The following CHD7 variants were observed in gnomAD, a reference collection of about 807,000 sequenced individuals.
CHD7 encodes the protein chromodomain helicase DNA binding protein 7, also known as ATP-dependent chromatin remodeler CHD7.
Under a neutral mutation model 307.3 loss-of-function variants are expected in CHD7, and 24 were observed. The observed-to-expected ratio is 0.08, with a 90% CI of 0.06 to 0.11. The LOEUF (loss-of-function observed/expected upper bound fraction) is 0.11. Among genes scored for constraint, CHD7 ranks in the 10% least tolerant of loss-of-function variants. The probability of loss-of-function intolerance (pLI) is 1.00; values close to 1 mark genes in which losing one functional copy is unlikely to be tolerated. For missense variants in CHD7, 3,106 were observed against 3,727.1 expected (o/e 0.83, Z 4.34); for synonymous variants, 1,363 against 1,349.9 (o/e 1.01, Z -0.21).
intron 2 of CHD7, among the ~76,000 whole-genome samples, chr8:60,756,885 G>T (rs1021251486): frequency 6.6e-6 from 1 of 152,150 alleles, no homozygotes; most frequent in African/African-American, 2.4e-5. Flanking sequence ...TGCCATTGAA[G>T]TGCTCACTTT....
intron 32 of CHD7, among the ~76,000 whole-genome samples, 155 bp downstream of exon 32, chr8:60,854,678 A>T (rs1805626019): frequency 6.6e-6 from 1 of 152,234 alleles, no homozygotes; most frequent in Non-Finnish European, 1.5e-5. Flanking sequence ...GAATGATCTG[A>T]AAAAGCCCAA....
rs150265752 is a variant in CHD7 at position 60,692,970 on chromosome 8, G to A, written c.-175+13888G>A. 4.0e-3 allele frequency among the ~76,000 whole-genome samples: 604 copies of A among 152,212 alleles called. 2 individuals are homozygous for A. The highest frequency in any genetic ancestry group is 0.017 in the Middle Eastern group (5 of 294). On this transcript the variant is annotated intron_variant, in intron 1 of 37. Transcript: ENST00000423902. ...TTAATGTTCCCAATCTGTTTAAACC[G>A]AAGTCATCATAACAACTCCTTCTTC...
chr8:60,735,261 G>A (rs1022633806), intron 1 of CHD7, among the ~76,000 whole-genome samples: 1 of 152,218 alleles, frequency 6.6e-6, no homozygotes, highest in African/African-American at 2.4e-5. Context: ...GATGGAGATG[G>A]TGTTACTGTC....
chr8:60,824,588 A>G (rs967569412), intron 13 of CHD7: 2 of 152,634 alleles, frequency 1.3e-5, no homozygotes, highest in African/African-American at 4.8e-5. Flanking sequence ...TTCAGTGCTC[A>G]TAGGTTTTGC....
At chr8:60,748,806 A>G (rs1354072726) in intron 2 of CHD7, among the ~76,000 whole-genome samples, 1 of 152,168 alleles carries the variant, frequency 6.6e-6, no homozygotes, top group African/African-American at 2.4e-5. Context: ...TATTTTGGAT[A>G]CATTTGTACC....
chr8:60,781,043 T>C lies in CHD7; in HGVS notation c.1709T>C (p.Met570Thr). The C allele has an allele frequency of 6.3e-7, 1 of 1,599,384 alleles. No individual in the cohort carries two copies. Among genetic ancestry groups the C allele is most frequent in the Non-Finnish European group, 8.5e-7 (1 of 1,174,466 alleles). ...EPFLEKPVPD[M>T]TQVSGPNAQL... ...TTTCTAGAGAAACCAGTGCCGGATA[T>C]GACTCAGGTTAGTGGACCGAATGCT... is the stretch of plus-strand genomic sequence containing the variant. The change falls in exon 3 of 38, where the codon ATG (methionine) becomes ACG (threonine). Residue 570 changes from methionine to threonine, a missense_variant. Coordinates refer to ENST00000423902, the MANE Select transcript of CHD7 (RefSeq NM_017780.4).
intron 3 of CHD7, among the ~76,000 whole-genome samples, chr8:60,794,053 C>T (rs748104331): frequency 9.9e-5 from 15 of 151,810 alleles, no homozygotes; most frequent in Admixed American, 7.2e-4. Context: ...ACCCGGGAGG[C>T]GGAGGTTGCA....
At chr8:60,823,394 TATAG>T (rs34150494) in intron 12 of CHD7, among the ~76,000 whole-genome samples, 55,603 of 145,288 alleles carry the variant, frequency 0.38, 10,373 homozygotes, top group Admixed American at 0.44. Flanking sequence ...TTTTGCTATA[TATAG>T]ATAGATAGAT....
rs146027047 is a variant in CHD7 at position 60,737,633 on chromosome 8, A to C, written c.-174-3626A>C. ...CACCCCCAAACACATGCATCTTCTG[A>C]ACTGTCCTTTAGTTCACATCTCAGA... On this transcript the variant is annotated intron_variant, in intron 1 of 37. Transcript: ENST00000423902. 8.9e-4 allele frequency among the ~76,000 whole-genome samples: 135 copies of C among 152,304 alleles called. 1 individual carries two copies. The highest frequency in any genetic ancestry group is 1.7e-3 in the Non-Finnish European group (119 of 68,012).
rs574987045 is a variant in CHD7 at position 60,694,050 on chromosome 8, A to G, written c.-175+14968A>G. 2.6e-5 allele frequency among the ~76,000 whole-genome samples: 4 copies of G among 152,374 alleles called. No homozygotes were observed. In the South Asian group the frequency reaches 8.3e-4, roughly 32 times the overall value. ...AAAGAACCATGACTGTGGCAATTCTAAGAAGGACTTTAATGAATGCAAAGG... is the reference window on the plus strand; with the variant it reads ...AAAGAACCATGACTGTGGCAATTCTGAGAAGGACTTTAATGAATGCAAAGG... On this transcript the variant is annotated intron_variant, in intron 1 of 37. Transcript: ENST00000423902.
At chr8:60,697,638 CA>C (rs549359418) in intron 1 of CHD7, among the ~76,000 whole-genome samples, 2 of 150,960 alleles carry the variant, frequency 1.3e-5, no homozygotes, top group African/African-American at 4.9e-5. Context: ...ATTGAAATGC[CA>C]AAAAAAAGTC....
At chr8:60,722,762 A>C (rs1807975152) in intron 1 of CHD7, among the ~76,000 whole-genome samples, 1 of 152,200 alleles carries the variant, frequency 6.6e-6, no homozygotes, top group Admixed American at 6.5e-5. Context: ...CTACTTCTGC[A>C]TTCAGTCTGT....
chr8:60,726,969 C>G (rs1160180475), intron 1 of CHD7, among the ~76,000 whole-genome samples: 1 of 152,086 alleles, frequency 6.6e-6, no homozygotes, highest in African/African-American at 2.4e-5. Context: ...CCCTCTGTGC[C>G]TACTTCTATT....
Position 60,852,516 on chromosome 8 carries a change from G to A in CHD7, c.5913G>A (p.Glu1971=). 1 of 1,613,770 alleles carries A rather than the reference G, an allele frequency of 6.2e-7. No individual in the cohort carries two copies. The highest frequency in any genetic ancestry group is 8.5e-7 in the Non-Finnish European group (1 of 1,179,752). The change falls in exon 30 of 38, where the codon GAG becomes GAA. Residue 1971 remains glutamate (E), a synonymous_variant. Transcript: ENST00000423902. ...CTAACAGGTGGACAAGAAGAGAAGA[G>A]GCTGATTTTTACCGTGTGGTATCCA... is the stretch of plus-strand genomic sequence containing the variant. ...EKRQKWTRRE[E]ADFYRVVSTF...
intron 23 of CHD7, among the ~76,000 whole-genome samples, chr8:60,847,508 G>T (rs1032322939): frequency 6.6e-6 from 1 of 152,208 alleles, no homozygotes; most frequent in Non-Finnish European, 1.5e-5. Context: ...GACATTGATT[G>T]TAAAGTGCTG....
Position 60,867,648 on chromosome 8 carries a change from C to G in CHD7, c.*1715C>G, listed in dbSNP as rs1423449277. 1 of 152,188 alleles carries G rather than the reference C, an allele frequency of 6.6e-6. No homozygotes were observed. The highest frequency in any genetic ancestry group is 2.4e-5 in the African/African-American group (1 of 41,442). 9.4% of individuals were successfully genotyped at this position (152,188 alleles called of 1,614,324 possible). On this transcript the variant is annotated 3_prime_UTR_variant, in exon 38 of 38. Transcript: ENST00000423902. ...CCACACCCTTCCCCCAGGACGTCCG[C>G]ACACAGTCCACCTCCAGCCAGTGTG...
At chr8:60,724,906 T>A (rs1480979325) in intron 1 of CHD7, among the ~76,000 whole-genome samples, 2 of 152,200 alleles carry the variant, frequency 1.3e-5, no homozygotes, top group Non-Finnish European at 2.9e-5. Context: ...TATATGAAAT[T>A]GAGGGCAGAT....
intron 15 of CHD7, among the ~76,000 whole-genome samples, chr8:60,831,170 GGTA>G (rs963529494): frequency 1.3e-5 from 2 of 152,108 alleles, no homozygotes; most frequent in African/African-American, 4.8e-5. Context: ...AAATCATTAA[GGTA>G]GTAAATATTT....
At chr8:60,699,430 A>G (rs934627516) in intron 1 of CHD7, among the ~76,000 whole-genome samples, 2 of 152,238 alleles carry the variant, frequency 1.3e-5, no homozygotes, top group East Asian at 1.9e-4. Flanking sequence ...AAATGATTTC[A>G]AACATTGATG....
Sources: gnomAD v4.1 joint callset for allele counts (sites outside exome capture counted in the v4.1 genomes callset) on GRCh38, gnomAD v4.1.1 for gene constraint, MANE v1.5 for transcripts, NCBI Gene and HGNC (gene_info 2026-07-23, HGNC 2026-07-21) for gene names.